Variants in COBL observed in about 807,000 individuals in gnomAD.
COBL encodes cordon-bleu WH2 repeat protein, also known as protein cordon-bleu.
A neutral mutation model predicts 98.8 loss-of-function variants in COBL; 51 were observed. The observed-to-expected ratio is 0.52, with a 90% CI of 0.41 to 0.65. COBL has a LOEUF of 0.65. COBL is among the 30% of genes least tolerant of loss of function. The pLI, the probability that COBL is intolerant of heterozygous loss-of-function variation, is 0.00. For missense variants in COBL, 1,617 were observed against 1,617.5 expected (o/e 1.00, Z 0.01); for synonymous variants, 634 against 651.7 (o/e 0.97, Z 0.41).
intron 1 of COBL, among the ~76,000 whole-genome samples, chr7:51,231,317 T>C (rs1333854944): frequency 1.3e-5 from 2 of 152,182 alleles, no homozygotes; most frequent in Admixed American, 1.3e-4. Context: ...AAAGAGATGA[T>C]GAATGATCAG....
At chr7:51,209,654 T>A (rs1194517069) in intron 2 of COBL, among the ~76,000 whole-genome samples, 2 of 152,044 alleles carry the variant, frequency 1.3e-5, no homozygotes, top group Non-Finnish European at 2.9e-5. Context: ...ATCCTGTGTA[T>A]CTGTGATGAG....
intron 5 of COBL, among the ~76,000 whole-genome samples, chr7:51,154,594 C>T (rs1002580914): frequency 2.0e-5 from 3 of 152,194 alleles, no homozygotes; most frequent in Non-Finnish European, 4.4e-5. Context: ...GATGTGGGCA[C>T]CTCCCCTCCT....
intron 2 of COBL, among the ~76,000 whole-genome samples, chr7:51,211,997 G>T (rs567608177): frequency 6.6e-6 from 1 of 152,132 alleles, no homozygotes; most frequent in Non-Finnish European, 1.5e-5. Flanking sequence ...AGAGAGCAGG[G>T]GTGGAGGGGG....
chr7:51,178,090 G>C (rs1395922807), intron 5 of COBL, among the ~76,000 whole-genome samples: 1 of 152,112 alleles, frequency 6.6e-6, no homozygotes, highest in Admixed American at 6.5e-5. Flanking sequence ...AGGTTGCAGT[G>C]AGCCAAGATC....
chr7:51,297,796 G>A (rs1263534188), intron 1 of COBL, among the ~76,000 whole-genome samples: 3 of 152,220 alleles, frequency 2.0e-5, no homozygotes, highest in African/African-American at 7.2e-5. Context: ...GTTTGTATCA[G>A]TGGGATTTGG....
rs147831221 is a variant in COBL at position 51,028,894 on chromosome 7, G to C, written c.2202C>G (p.Asp734Glu). The C allele has an allele frequency of 3.7e-6, 6 of 1,614,190 alleles. No individual in the cohort carries two copies. The East Asian group carries it at 1.1e-4, about 30-fold the overall frequency. The stretch of plus-strand genomic sequence containing the variant: ...GAGGACTCACCAAGTTCCCCAGCTC[G>C]TCAATCTTAATGGCTCCGGTGGAGA... ...VSLSTGAIKI[D>E]ELGNLVSPHA... Residue 734 changes from aspartate to glutamate, a missense_variant, in exon 10 of 13, where the codon GAC becomes GAG. Physicochemically the swap from Asp to Glu is conservative, Grantham distance 45. This residue lies in a region of COBL where 1,304 missense variants were observed against 1,282.0 expected (regional missense o/e 1.02). Transcript: ENST00000265136.
chr7:51,109,789 C>G lies in COBL; in HGVS notation c.958-24485G>C, dbSNP rs535903326. ...GAATGTATGTCTCGTGAGGGGAAGA[C>G]AGAAAGAAACCACTGCATCATGTTA... On this transcript the variant is annotated intron_variant, in intron 6 of 12. Coordinates refer to ENST00000265136, the MANE Select transcript of COBL (RefSeq NM_015198.5). 5.9e-5 allele frequency among the ~76,000 whole-genome samples: 9 copies of G among 152,248 alleles called. No individual in the cohort carries two copies. In the East Asian group the frequency reaches 1.7e-3, roughly 29 times the overall value.
intron 1 of COBL, among the ~76,000 whole-genome samples, chr7:51,255,008 T>G (rs556312101): frequency 6.6e-6 from 1 of 152,278 alleles, no homozygotes; most frequent in African/African-American, 2.4e-5. Flanking sequence ...AAAAGTACGT[T>G]GTGGATAGTT....
intron 6 of COBL, among the ~76,000 whole-genome samples, chr7:51,133,429 TG>T (rs1250745060): frequency 6.6e-6 from 1 of 152,164 alleles, no homozygotes; most frequent in African/African-American, 2.4e-5. Flanking sequence ...AGCCAGCAGC[TG>T]AGGGAGGTAG....
intron 1 of COBL, among the ~76,000 whole-genome samples, chr7:51,238,092 A>AC (rs1795440255): frequency 6.6e-6 from 1 of 152,254 alleles, no homozygotes; most frequent in Non-Finnish European, 1.5e-5. Flanking sequence ...CACCATGCTG[A>AC]CAGCCAGCAG....
At chr7:51,269,379 T>C (rs1798542128) in intron 1 of COBL, among the ~76,000 whole-genome samples, 1 of 151,916 alleles carries the variant, frequency 6.6e-6, no homozygotes, top group Non-Finnish European at 1.5e-5. Context: ...GTGACCCAGG[T>C]AAGAAGGAGA....
At chr7:51,293,803 A>G (rs1360482688) in intron 1 of COBL, among the ~76,000 whole-genome samples, 1 of 152,206 alleles carries the variant, frequency 6.6e-6, no homozygotes, top group East Asian at 1.9e-4. Context: ...AGGCTGTCCC[A>G]TGCTCAGTAA....
intron 6 of COBL, among the ~76,000 whole-genome samples, chr7:51,121,698 G>A (rs1313476532): frequency 6.6e-6 from 1 of 152,144 alleles, no homozygotes; most frequent in Non-Finnish European, 1.5e-5. Flanking sequence ...GTGCCTCAAA[G>A]ACAGGAATTG....
Position 51,028,424 on chromosome 7 carries a change from T to C in COBL, c.2672A>G (p.Tyr891Cys), listed in dbSNP as rs151276908. ...VHADVVRPHG[Y>C]AEKGYAGKAP... Reference sequence around the variant, plus strand: ...CTTGCCTGCATAACCCTTCTCGGCATAACCGTGTGGCCTCACCACATCAGC... The same window carrying C: ...CTTGCCTGCATAACCCTTCTCGGCACAACCGTGTGGCCTCACCACATCAGC... The change falls in exon 10 of 13, where the codon TAT becomes TGT. Residue 891 changes from tyrosine to cysteine, a missense_variant. By Grantham distance (194) the Tyr-to-Cys change is radical (BLOSUM62 -2). Around this residue, in one of 3 missense-constraint regions of COBL, gnomAD observed 1,304 missense variants for 1,282.0 expected, o/e 1.02. Transcript: ENST00000265136. 1,454 of 1,614,258 alleles carry C rather than the reference T, an allele frequency of 9.0e-4. 8 individuals are homozygous for C. Among genetic ancestry groups the C allele is most frequent in the Middle Eastern group, 5.1e-3 (31 of 6,062 alleles).
intron 1 of COBL, among the ~76,000 whole-genome samples, chr7:51,292,741 A>G (rs1342143968): frequency 1.3e-5 from 2 of 152,224 alleles, no homozygotes; most frequent in Non-Finnish European, 1.5e-5. Context: ...GAGCCTAGAA[A>G]GCAAAGCTCC....
At chr7:51,254,405 G>C (rs1797019699) in intron 1 of COBL, among the ~76,000 whole-genome samples, 1 of 152,160 alleles carries the variant, frequency 6.6e-6, no homozygotes, top group Non-Finnish European at 1.5e-5. Context: ...TTGTATATAA[G>C]GGAAAACACA....
At chr7:51,244,942 T>C (rs1040180759) in intron 1 of COBL, among the ~76,000 whole-genome samples, 1 of 152,230 alleles carries the variant, frequency 6.6e-6, no homozygotes, top group African/African-American at 2.4e-5. Flanking sequence ...TTTTTTTCTC[T>C]GCTCTCCTAT....
At chr7:51,312,780 C>A (rs1803183017) in intron 1 of COBL, among the ~76,000 whole-genome samples, 1 of 152,100 alleles carries the variant, frequency 6.6e-6, no homozygotes, top group African/African-American at 2.4e-5. Flanking sequence ...CGAGAAAACA[C>A]AGGAGGGACT....
intron 2 of COBL, among the ~76,000 whole-genome samples, chr7:51,203,323 G>A (rs575350249): frequency 7.9e-6 from 1 of 127,314 alleles, no homozygotes; most frequent in African/African-American, 3.5e-5. Context: ...TTAGCCGGGT[G>A]TAGTGGCGGG....
Sources: allele counts gnomAD v4.1 joint callset (sites outside exome capture counted in the v4.1 genomes callset), GRCh38; gene constraint gnomAD v4.1.1; regional missense constraint gnomAD v4.1.1; transcripts MANE v1.5; gene names NCBI Gene and HGNC (gene_info 2026-07-23, HGNC 2026-07-21).